The following TMCC1 variants were observed in gnomAD, a reference collection of about 807,000 sequenced individuals.
TMCC1 encodes transmembrane and coiled-coil domains protein 1.
TMCC1 carries 15 observed loss-of-function variants against 52.4 expected under a neutral mutation model. The observed-to-expected ratio is 0.29, with a 90% CI of 0.19 to 0.44. The LOEUF (loss-of-function observed/expected upper bound fraction) is 0.44, where lower values mean the gene tolerates loss of function less well. TMCC1 is among the 20% of genes least tolerant of loss of function. The pLI, the probability that TMCC1 is intolerant of heterozygous loss-of-function variation, is 1.00. For synonymous variants in TMCC1, 279 were observed against 301.9 expected (o/e 0.92, Z 0.79); for missense variants, 503 against 806.0 (o/e 0.62, Z 4.55).
intron 4 of TMCC1, among the ~76,000 whole-genome samples, chr3:129,733,445 TA>T (rs1361527961): frequency 2.0e-5 from 3 of 152,242 alleles, no homozygotes; most frequent in African/African-American, 7.2e-5. Flanking sequence ...GTGATAGCAG[TA>T]AAAACCATGG....
intron 4 of TMCC1, among the ~76,000 whole-genome samples, chr3:129,674,244 G>C (rs763834354): frequency 3.9e-5 from 6 of 152,198 alleles, no homozygotes; most frequent in Non-Finnish European, 7.3e-5. Context: ...AAATAAACTA[G>C]GCTGTCTTTA....
chr3:129,746,498 A>G (rs1033682465), intron 4 of TMCC1, among the ~76,000 whole-genome samples: 8 of 152,088 alleles, frequency 5.3e-5, no homozygotes, highest in Non-Finnish European at 4.4e-5. Context: ...ACTACTGTGT[A>G]ATATAAAGTA....
chr3:129,867,629 C>T (rs2107952406), intron 2 of TMCC1, among the ~76,000 whole-genome samples: 1 of 152,162 alleles, frequency 6.6e-6, no homozygotes, highest in South Asian at 2.1e-4. Flanking sequence ...GTAACTCTAC[C>T]AGAGTAAAGA....
rs902458581 is a variant in TMCC1 at position 129,650,773 on chromosome 3, G to A, written c.*708C>T. ...ACATATAAAAAAACCTTAAAAGTGC[G>A]GCCAAGGGATTTTGCTTAAAATTAA... is the stretch of plus-strand genomic sequence containing the variant. On this transcript the variant is annotated 3_prime_UTR_variant, in exon 7 of 7. Coordinates refer to ENST00000393238, the MANE Select transcript of TMCC1 (RefSeq NM_001017395.5). 2 of 152,470 alleles carry A rather than the reference G, an allele frequency of 1.3e-5. No individual in the cohort carries two copies. Among genetic ancestry groups the A allele is most frequent in the African/African-American group, 2.4e-5 (1 of 41,372 alleles). The allele number at this position is 152,470 out of a possible 1,614,324, so 9.4% of individuals were successfully genotyped here.
chr3:129,650,096 G>A lies in TMCC1; in HGVS notation c.*1385C>T, dbSNP rs1203405137. 1 of 152,488 alleles carries A rather than the reference G, an allele frequency of 6.6e-6. No homozygotes were observed. Among genetic ancestry groups the A allele is most frequent in the Non-Finnish European group, 1.5e-5 (1 of 68,020 alleles). 9.4% of individuals were successfully genotyped at this position (152,488 alleles called of 1,614,324 possible). On this transcript the variant is annotated 3_prime_UTR_variant, in exon 7 of 7. Coordinates refer to ENST00000393238, the MANE Select transcript of TMCC1 (RefSeq NM_001017395.5). Reference sequence around the variant, plus strand: ...TCTTAGGCAGACAGAATAAAGCTTTGAAATTAAGAATGCTGGGGCCAAAAT... The same window carrying A: ...TCTTAGGCAGACAGAATAAAGCTTTAAAATTAAGAATGCTGGGGCCAAAAT...
intron 1 of TMCC1, among the ~76,000 whole-genome samples, chr3:129,883,130 A>AACACACACAC (rs59492665): frequency 2.7e-5 from 4 of 146,680 alleles, no homozygotes; most frequent in African/African-American, 1.0e-4. Flanking sequence ...CTCTACTAAA[A>AACACACACAC]ACACACACAC....
At chr3:129,729,976 A>C (rs1226858257) in intron 4 of TMCC1, among the ~76,000 whole-genome samples, 1 of 152,134 alleles carries the variant, frequency 6.6e-6, no homozygotes, top group Non-Finnish European at 1.5e-5. Context: ...GCTTTTAAAA[A>C]AATTTTTAAA....
At chr3:129,881,114 G>A (rs930165100) in intron 1 of TMCC1, among the ~76,000 whole-genome samples, 2 of 151,856 alleles carry the variant, frequency 1.3e-5, no homozygotes, top group South Asian at 4.1e-4. Context: ...CCCCTGCCTC[G>A]GCCTCCCAAA....
Position 129,746,261 on chromosome 3 carries a change from C to A in TMCC1, c.577-74997G>T, listed in dbSNP as rs557691258. 1.8e-4 allele frequency among the ~76,000 whole-genome samples: 28 copies of A among 152,218 alleles called. No homozygotes were observed. The East Asian group carries it at 5.4e-3, about 29-fold the overall frequency. ...TCTCAGCTCACTGCAACCTCCACCC[C>A]CCAGCTTCAAGTGATTCTCCTGCCT... On this transcript the variant is annotated intron_variant, in intron 4 of 6. Transcript: ENST00000393238.
intron 5 of TMCC1, among the ~76,000 whole-genome samples, chr3:129,656,900 C>T (rs957785208): frequency 6.6e-6 from 1 of 152,108 alleles, no homozygotes; most frequent in Non-Finnish European, 1.5e-5. Flanking sequence ...TGATTTTCCA[C>T]CAAAATTTAA....
chr3:129,797,361 C>T (rs1321278415), intron 4 of TMCC1, among the ~76,000 whole-genome samples: 1 of 150,824 alleles, frequency 6.6e-6, no homozygotes, highest in Non-Finnish European at 1.5e-5. Context: ...CATAATATCT[C>T]GGGAAGAGCA....
intron 4 of TMCC1, among the ~76,000 whole-genome samples, chr3:129,768,162 A>C (rs1045168475): frequency 2.0e-5 from 3 of 152,178 alleles, no homozygotes; most frequent in Non-Finnish European, 4.4e-5. Flanking sequence ...GTATGACTGC[A>C]CCACTGTACT....
chr3:129,725,898 G>A (rs537918363), intron 4 of TMCC1, among the ~76,000 whole-genome samples: 1 of 152,288 alleles, frequency 6.6e-6, no homozygotes, highest in Non-Finnish European at 1.5e-5. Flanking sequence ...TGGAGTATGG[G>A]TTTTAGTCTA....
At position 129,736,670 on chromosome 3, in the gene TMCC1, C is replaced by T. The variant is rs192796944; in HGVS notation, c.577-65406G>A. Among the ~76,000 whole-genome samples, 20 of 151,820 alleles carry T rather than the reference C, an allele frequency of 1.3e-4. No individual in the cohort carries two copies. The East Asian group carries it at 1.4e-3, about 10-fold the overall frequency. On this transcript the variant is annotated intron_variant, in intron 4 of 6. Transcript: ENST00000393238. ...CTGAGTAGCTGGGATCACAGGCGCC[C>T]GCCACCACGCCCAGCTAATTTTTGT...
At chr3:129,759,268 C>CTT (rs1391292529) in intron 4 of TMCC1, among the ~76,000 whole-genome samples, 19 of 139,880 alleles carry the variant, frequency 1.4e-4, no homozygotes, top group African/African-American at 2.1e-4. Context: ...TAATTCATGA[C>CTT]TTTTTTTTTT....
chr3:129,782,263 A>G (rs1009382233), intron 4 of TMCC1, among the ~76,000 whole-genome samples: 1 of 152,168 alleles, frequency 6.6e-6, no homozygotes, highest in Non-Finnish European at 1.5e-5. Context: ...CGTAAATTGA[A>G]CTGAGCCTAG....
intron 6 of TMCC1, among the ~76,000 whole-genome samples, chr3:129,654,133 T>C (rs1057281576): frequency 1.3e-5 from 2 of 152,214 alleles, no homozygotes; most frequent in Non-Finnish European, 2.9e-5. Flanking sequence ...TTTCCCTAGC[T>C]ATGGTCAGAT....
At position 129,827,818 on chromosome 3, in the gene TMCC1, C is replaced by A; in HGVS notation, c.561G>T (p.Glu187Asp). The A allele has an allele frequency of 6.2e-7, 1 of 1,613,434 alleles. No individual in the cohort carries two copies. The highest frequency in any genetic ancestry group is 1.1e-5 in the South Asian group (1 of 91,058). Residue 187 changes from glutamate to aspartate, a missense_variant, in exon 4 of 7, where the codon GAG becomes GAT. Coordinates refer to ENST00000393238, the MANE Select transcript of TMCC1 (RefSeq NM_001017395.5). ...ACAAACTTACCCGCTCCGCAGTTCC[C>A]TCCTCTCCTGGTAGACATGCAGCAG... is the stretch of plus-strand genomic sequence containing the variant. ...AAAAACLPGE[E>D]GTAERIERLE...
chr3:129,712,034 A>G (rs1020623329), intron 4 of TMCC1, among the ~76,000 whole-genome samples: 4 of 134,816 alleles, frequency 3.0e-5, no homozygotes, highest in Non-Finnish European at 4.7e-5. Flanking sequence ...AAAATTAGCC[A>G]GGGATGGTGG....
Sources: allele counts gnomAD v4.1 joint callset (sites outside exome capture counted in the v4.1 genomes callset), GRCh38; gene constraint gnomAD v4.1.1; transcripts MANE v1.5; gene names NCBI Gene and HGNC (gene_info 2026-07-23, HGNC 2026-07-21).